Variants in SMOC2 observed in about 807,000 individuals in gnomAD.
SMOC2 encodes the protein SPARC related modular calcium binding 2, also known as SPARC-related modular calcium-binding protein 2.
A neutral mutation model predicts 61.4 loss-of-function variants in SMOC2; 39 were observed. The ratio of observed to expected loss-of-function variants is 0.64; its 90% CI spans 0.49 to 0.83. SMOC2 has a LOEUF of 0.83. Ranked by LOEUF, SMOC2 falls within the 40% of genes least tolerant of loss-of-function variation. The pLI is 0.00. For missense variants in SMOC2, 556 were observed against 592.9 expected, an observed-to-expected ratio of 0.94 and a Z score of 0.65; for synonymous variants, 247 against 239.9, an observed-to-expected ratio of 1.03 and a Z score of -0.27.
intron 12 of SMOC2, chr6:168,665,095 G>A (rs1787627069): frequency 3.6e-6 from 1 of 279,084 alleles, no homozygotes; most frequent in East Asian, 1.2e-4. Context: ...ACTTACACTT[G>A]AAAACAGGGC....
intron 9 of SMOC2, among the ~76,000 whole-genome samples, chr6:168,613,569 A>G (rs1270411629): frequency 1.3e-5 from 2 of 152,122 alleles, no homozygotes; most frequent in African/African-American, 2.4e-5. Flanking sequence ...ATGAATGGTC[A>G]AGGCCTCTCC....
At chr6:168,641,216 G>C (rs1215018865) in intron 9 of SMOC2, among the ~76,000 whole-genome samples, 1 of 152,078 alleles carries the variant, frequency 6.6e-6, no homozygotes, top group Non-Finnish European at 1.5e-5. Flanking sequence ...TAAAACATGA[G>C]TGTGCCCTGA....
At chr6:168,644,255 C>T (rs1158514650) in intron 9 of SMOC2, among the ~76,000 whole-genome samples, 4 of 152,290 alleles carry the variant, frequency 2.6e-5, no homozygotes, top group Admixed American at 2.6e-4. Flanking sequence ...GGGAATTTCC[C>T]CTTTGTTTCT....
intron 2 of SMOC2, among the ~76,000 whole-genome samples, chr6:168,523,079 A>ATT (rs1554287070): frequency 2.1e-5 from 2 of 93,664 alleles, no homozygotes; most frequent in African/African-American, 6.6e-5. Flanking sequence ...TTGTACAGTA[A>ATT]TTTTTTTTTT....
rs1261372580 is a variant in SMOC2 at position 168,611,207 on chromosome 6, CCG to C, written c.907+2969_907+2970del. On this transcript the variant is annotated intron_variant, in intron 9 of 12. Coordinates refer to ENST00000356284, the MANE Select transcript of SMOC2 (RefSeq NM_001166412.2). ...GTGTCTGTTGGGCCCTATGTGGCTC[CCG>C]TGTCGGGCCTGGCTGTGGCTCCCAT... Among the ~76,000 whole-genome samples the C allele has an allele frequency of 8.4e-3, 1,237 of 147,322 alleles. 10 individuals are homozygous for C. Among genetic ancestry groups the C allele is most frequent in the African/African-American group, 0.029 (1,159 of 40,436 alleles).
At chr6:168,519,108 C>CAT (rs1259651527) in intron 2 of SMOC2, among the ~76,000 whole-genome samples, 1 of 120,914 alleles carries the variant, frequency 8.3e-6, no homozygotes, top group Non-Finnish European at 1.7e-5. Flanking sequence ...CGTGTGTGAA[C>CAT]GCGTGTGTAT....
rs553414431 is a variant in SMOC2 at position 168,656,703 on chromosome 6, G to A, written c.1285+3475G>A. 3.3e-5 allele frequency among the ~76,000 whole-genome samples: 5 copies of A among 152,180 alleles called. No individual in the cohort carries two copies. The East Asian group carries it at 9.7e-4, about 30-fold the overall frequency. Reference sequence around the variant, plus strand: ...TAGTGCTTGTCTTGATAGTCACTCAGTGCTGTTCAACCAAATTAGGGCAAG... The same window carrying A: ...TAGTGCTTGTCTTGATAGTCACTCAATGCTGTTCAACCAAATTAGGGCAAG... On this transcript the variant is annotated intron_variant, in intron 11 of 12. Coordinates refer to ENST00000356284, the MANE Select transcript of SMOC2 (RefSeq NM_001166412.2).
At chr6:168,466,997 C>A (rs550099799) in intron 1 of SMOC2, among the ~76,000 whole-genome samples, 9 of 152,290 alleles carry the variant, frequency 5.9e-5, no homozygotes, top group African/African-American at 2.2e-4. Context: ...CCACATCCTG[C>A]GGTCGGGCGA....
chr6:168,591,036 A>G (rs1280978508), intron 7 of SMOC2, among the ~76,000 whole-genome samples: 1 of 152,272 alleles, frequency 6.6e-6, no homozygotes, highest in Non-Finnish European at 1.5e-5. Flanking sequence ...CTTAAAGTTT[A>G]TAGAAGTGAA....
Position 168,651,644 on chromosome 6 carries a change from TGA to T in SMOC2, c.1010+862_1010+863del, listed in dbSNP as rs1261201294. 5.3e-5 allele frequency among the ~76,000 whole-genome samples: 8 copies of T among 152,318 alleles called. No individual in the cohort carries two copies. The East Asian group carries it at 1.5e-3, about 29-fold the overall frequency. The stretch of plus-strand genomic sequence containing the variant: ...ACTTTAGGTGATTTTTTTGGTCTCC[TGA>T]ACTAAAAGCCTCTCCTCTCACTGTC... On this transcript the variant is annotated intron_variant, in intron 10 of 12. Coordinates refer to ENST00000356284, the MANE Select transcript of SMOC2 (RefSeq NM_001166412.2).
chr6:168,599,196 CCA>C lies in SMOC2; in HGVS notation c.824+202_824+203del, dbSNP rs879702883. On this transcript the variant is annotated intron_variant, in intron 8 of 12. Coordinates refer to ENST00000356284, the MANE Select transcript of SMOC2 (RefSeq NM_001166412.2). ...TCACACACACCCACACACACTCATA[CCA>C]CACACACACTCATACCCACACACAC... 4.0e-3 allele frequency among the ~76,000 whole-genome samples: 570 copies of C among 141,582 alleles called. 7 individuals are homozygous for C. The highest frequency in any genetic ancestry group is 0.012 in the Middle Eastern group (3 of 260). The allele number at this position is 141,582 out of a possible 152,430, so 92.9% of individuals were successfully genotyped here.
intron 1 of SMOC2, among the ~76,000 whole-genome samples, chr6:168,443,678 C>T (rs1425914635): frequency 6.6e-6 from 1 of 152,138 alleles, no homozygotes; most frequent in Admixed American, 6.5e-5. Flanking sequence ...TCAGTGTGCT[C>T]ATCTCTTTTC....
chr6:168,455,751 T>A (rs930913527), intron 1 of SMOC2, among the ~76,000 whole-genome samples: 1 of 152,164 alleles, frequency 6.6e-6, no homozygotes, highest in African/African-American at 2.4e-5. Flanking sequence ...AACCTTGAAC[T>A]TAGAGGAAGA....
chr6:168,660,297 G>C (rs768306612), intron 11 of SMOC2, among the ~76,000 whole-genome samples: 3 of 152,132 alleles, frequency 2.0e-5, no homozygotes, highest in Non-Finnish European at 4.4e-5. Flanking sequence ...ACAGACAACT[G>C]TTGTGAGCCG....
In SMOC2 at chr6:168,646,008, G is replaced by A. The variant is rs149610926; in HGVS notation, c.908-4673G>A. The stretch of plus-strand genomic sequence containing the variant: ...GCATCTGAACAACTTAGAGAAGAAA[G>A]CTCCTTTGTCATCCATTCTTTTCTC... On this transcript the variant is annotated intron_variant, in intron 9 of 12. Coordinates refer to ENST00000356284, the MANE Select transcript of SMOC2 (RefSeq NM_001166412.2). Among the ~76,000 whole-genome samples the A allele has an allele frequency of 1.4e-4, 22 of 152,312 alleles. 1 individual carries two copies. In the East Asian group the frequency reaches 4.2e-3, roughly 29 times the overall value.
At chr6:168,580,139 T>C (rs953139492) in intron 7 of SMOC2, among the ~76,000 whole-genome samples, 10 of 152,204 alleles carry the variant, frequency 6.6e-5, no homozygotes, top group African/African-American at 2.4e-4. Context: ...TGTTTCAGAA[T>C]GGAAATTAAC....
intron 2 of SMOC2, among the ~76,000 whole-genome samples, chr6:168,521,218 G>A (rs749044497): frequency 4.6e-5 from 7 of 151,788 alleles, no homozygotes; most frequent in Non-Finnish European, 7.4e-5. Flanking sequence ...GCACGATCTC[G>A]GCTCACTGCA....
At chr6:168,587,934 A>G (rs1022694613) in intron 7 of SMOC2, among the ~76,000 whole-genome samples, 5 of 151,824 alleles carry the variant, frequency 3.3e-5, no homozygotes, top group African/African-American at 9.7e-5. Context: ...TGGGTGGCTT[A>G]TAAACAACAG....
chr6:168,621,883 A>G (rs1786255050), intron 9 of SMOC2, among the ~76,000 whole-genome samples: 1 of 152,264 alleles, frequency 6.6e-6, no homozygotes, highest in Admixed American at 6.5e-5. Context: ...ATCACCACTC[A>G]TTGCGTTACA....
Sources: gnomAD v4.1 joint callset for allele counts (sites outside exome capture counted in the v4.1 genomes callset) on GRCh38, gnomAD v4.1.1 for gene constraint, MANE v1.5 for transcripts, NCBI Gene and HGNC (gene_info 2026-07-23, HGNC 2026-07-21) for gene names.